ATXN2: variants seen among roughly 807,000 people sequenced by gnomAD.
The protein encoded by ATXN2 is ataxin-2.
Under a neutral mutation model 138.6 loss-of-function variants are expected in ATXN2, and 37 were observed. The observed-to-expected ratio is 0.27, with a 90% CI of 0.21 to 0.35. The LOEUF (loss-of-function observed/expected upper bound fraction) is 0.35. ATXN2 is among the 10% of genes least tolerant of loss of function. ATXN2 has a pLI of 1.00. For synonymous variants in ATXN2, 549 were observed against 543.7 expected (o/e 1.01, Z -0.13); for missense variants, 1,216 against 1,480.3 (o/e 0.82, Z 2.93).
chr12:111,505,895 T>C (rs1879074702), intron 14 of ATXN2, among the ~76,000 whole-genome samples: 1 of 152,190 alleles, frequency 6.6e-6, no homozygotes, highest in Admixed American at 6.5e-5. Flanking sequence ...ACACTCATGT[T>C]TGTGGCAGTG....
chr12:111,518,195 T>A lies in ATXN2; in HGVS notation c.1165+54A>T, dbSNP rs971841011. On this transcript the variant is annotated intron_variant, in intron 9 of 24. Coordinates refer to ENST00000673436, the MANE Select transcript of ATXN2 (RefSeq NM_001372574.1). ...TGTAAACTATTTTAAGTATTTTAAG[T>A]ATTTAGAAAACTATTTTATCAATGA... 29 of 1,421,606 alleles carry A rather than the reference T, an allele frequency of 2.0e-5. No individual in the cohort carries two copies. In the African/African-American group the frequency reaches 3.6e-4, roughly 18 times the overall value. The allele number at this position is 1,421,606 out of a possible 1,614,324, so 88.1% of individuals were successfully genotyped here. A position where few individuals can be genotyped will look rare whatever the true frequency, so the allele number is the denominator to read the frequency against.
intron 13 of ATXN2, 101 bp downstream of exon 13, chr12:111,509,790 G>A: frequency 2.9e-6 from 3 of 1,019,408 alleles, no homozygotes; most frequent in Non-Finnish European, 4.4e-6. Context: ...TATCACAATA[G>A]TAAGAAGAAA....
intron 20 of ATXN2, 50 bp downstream of exon 20, chr12:111,470,058 A>G: frequency 6.5e-7 from 1 of 1,541,684 alleles, no homozygotes; most frequent in African/African-American, 1.4e-5. Flanking sequence ...CAGAAACTTA[A>G]ATTAAGAAGA....
chr12:111,483,233 AC>A (rs1877384416), intron 18 of ATXN2, among the ~76,000 whole-genome samples: 1 of 150,112 alleles, frequency 6.7e-6, no homozygotes, highest in Non-Finnish European at 1.5e-5. Flanking sequence ...ACACACACAC[AC>A]ACACAAAACA....
intron 14 of ATXN2, among the ~76,000 whole-genome samples, chr12:111,506,808 C>A (rs566513005): frequency 6.6e-6 from 1 of 152,192 alleles, no homozygotes; most frequent in Non-Finnish European, 1.5e-5. Context: ...TGATTGCAGG[C>A]CCGCGCCGCC....
In ATXN2 at chr12:111,599,271, T is replaced by C. The variant is rs1392466485; in HGVS notation, c.-237A>G. The C allele has an allele frequency of 1.4e-5, 14 of 1,030,378 alleles. No individual in the cohort carries two copies. Among genetic ancestry groups the C allele is most frequent in the Non-Finnish European group, 1.6e-5 (14 of 864,628 alleles). 63.8% of individuals were successfully genotyped at this position (1,030,378 alleles called of 1,614,324 possible). Reference sequence around the variant, plus strand: ...CCGGGCCGAAACGCGCCGCCGCCGTTGCCGTTGCTACCAAAACAGTCTGAG... The same window carrying C: ...CCGGGCCGAAACGCGCCGCCGCCGTCGCCGTTGCTACCAAAACAGTCTGAG... On this transcript the variant is annotated 5_prime_UTR_variant, in exon 1 of 25. Coordinates refer to ENST00000673436, the MANE Select transcript of ATXN2 (RefSeq NM_001372574.1).
chr12:111,537,171 G>A (rs1881235101), intron 5 of ATXN2, among the ~76,000 whole-genome samples: 1 of 152,172 alleles, frequency 6.6e-6, no homozygotes, highest in East Asian at 1.9e-4. Context: ...ACCAACTGAT[G>A]AATAAACAAA....
chr12:111,543,245 G>A (rs867367875), intron 5 of ATXN2, among the ~76,000 whole-genome samples: 6 of 152,132 alleles, frequency 3.9e-5, no homozygotes, highest in Admixed American at 3.3e-4. Context: ...CTAATGTCAC[G>A]CCGTTCAGAA....
At chr12:111,565,451 AAAT>A (rs1291513339) in intron 1 of ATXN2, among the ~76,000 whole-genome samples, 9 of 152,198 alleles carry the variant, frequency 5.9e-5, no homozygotes, top group Admixed American at 2.0e-4. Flanking sequence ...CAATAATTGT[AAAT>A]AATAAAGAAA....
chr12:111,517,858 G>A (rs1879944049), intron 9 of ATXN2, among the ~76,000 whole-genome samples: 1 of 152,112 alleles, frequency 6.6e-6, no homozygotes, highest in East Asian at 1.9e-4. Flanking sequence ...TAACCACAGT[G>A]TTGCACATAG....
At chr12:111,575,262 T>C (rs549113765) in intron 1 of ATXN2, among the ~76,000 whole-genome samples, 1 of 152,222 alleles carries the variant, frequency 6.6e-6, no homozygotes, top group South Asian at 2.1e-4. Context: ...TCATAGCTCC[T>C]GCAATCTTTA....
chr12:111,582,107 G>A (rs1484285736), intron 1 of ATXN2, among the ~76,000 whole-genome samples: 1 of 152,164 alleles, frequency 6.6e-6, no homozygotes, highest in Non-Finnish European at 1.5e-5. Flanking sequence ...GCCAAGGCAA[G>A]AGGAGTACTT....
intron 1 of ATXN2, among the ~76,000 whole-genome samples, chr12:111,563,386 T>C (rs1470418083): frequency 6.6e-6 from 1 of 152,142 alleles, no homozygotes; most frequent in African/African-American, 2.4e-5. Context: ...GTTGATTGTT[T>C]TAAAGGACAT....
chr12:111,454,107 T>A (rs1343601288), intron 23 of ATXN2: 1 of 341,472 alleles, frequency 2.9e-6, no homozygotes, highest in Non-Finnish European at 5.3e-6. Context: ...GTCCTAACCC[T>A]TGACATTTCT....
intron 1 of ATXN2, among the ~76,000 whole-genome samples, chr12:111,556,937 G>C (rs186344483): frequency 7.3e-4 from 111 of 151,872 alleles, no homozygotes; most frequent in African/African-American, 2.6e-3. Context: ...TATATGTGTG[G>C]ATCGTTGTAA....
chr12:111,587,710 C>T (rs1354845234), intron 1 of ATXN2, among the ~76,000 whole-genome samples: 1 of 151,980 alleles, frequency 6.6e-6, no homozygotes, highest in Admixed American at 6.6e-5. Flanking sequence ...TTCAATAAAG[C>T]CTCTCAAGGC....
chr12:111,520,724 C>G (rs1261436714), intron 7 of ATXN2, among the ~76,000 whole-genome samples, 158 bp downstream of exon 7: 2 of 151,914 alleles, frequency 1.3e-5, no homozygotes, highest in Non-Finnish European at 2.9e-5. Flanking sequence ...CATTTATTCC[C>G]TTTTTTTAAT....
chr12:111,485,683 G>T (rs1385475865), intron 17 of ATXN2, 30 bp downstream of exon 17: 1 of 1,611,748 alleles, frequency 6.2e-7, no homozygotes, highest in Non-Finnish European at 8.5e-7. Context: ...AATTGGGGAG[G>T]CTAAGTGAAC....
chr12:111,597,503 G>T (rs997062654), intron 1 of ATXN2, among the ~76,000 whole-genome samples: 1 of 152,106 alleles, frequency 6.6e-6, no homozygotes, highest in Non-Finnish European at 1.5e-5. Flanking sequence ...AAGCTCTGGC[G>T]GCACTCCCGA....
Sources: allele counts gnomAD v4.1 joint callset (sites outside exome capture counted in the v4.1 genomes callset), GRCh38; gene constraint gnomAD v4.1.1; transcripts MANE v1.5; gene names NCBI Gene and HGNC (gene_info 2026-07-23, HGNC 2026-07-21).